ADAMTS16: variants seen among roughly 807,000 people sequenced by gnomAD.
ADAMTS16 encodes the protein ADAM metallopeptidase with thrombospondin type 1 motif 16.
Under a neutral mutation model 145.8 loss-of-function variants are expected in ADAMTS16, and 94 were observed. The ratio of observed to expected loss-of-function variants is 0.64; its 90% CI spans 0.55 to 0.77. The LOEUF is 0.77. Ranked by LOEUF, ADAMTS16 falls within the 30% of genes least tolerant of loss-of-function variation. The pLI is 0.00. For synonymous variants in ADAMTS16, 659 were observed against 604.3 expected, an observed-to-expected ratio of 1.09 and a Z score of -1.33; for missense variants, 1,585 against 1,591.5, an observed-to-expected ratio of 1.00 and a Z score of 0.07.
chr5:5,183,937 C>T (rs996906012), intron 4 of ADAMTS16, among the ~76,000 whole-genome samples: 4 of 152,154 alleles, frequency 2.6e-5, no homozygotes, highest in African/African-American at 4.8e-5. Context: ...ATAAAACTAG[C>T]GAAAGAAAGC....
At chr5:5,181,487 C>A (rs1397633314) in intron 3 of ADAMTS16, among the ~76,000 whole-genome samples, 2 of 152,158 alleles carry the variant, frequency 1.3e-5, no homozygotes, top group Non-Finnish European at 2.9e-5. Flanking sequence ...CCTTTAATAT[C>A]TTGCTTAGAG....
At chr5:5,249,811 A>C (rs1318156462) in intron 17 of ADAMTS16, among the ~76,000 whole-genome samples, 1 of 152,198 alleles carries the variant, frequency 6.6e-6, no homozygotes, top group Non-Finnish European at 1.5e-5. Flanking sequence ...TCCAGGAATA[A>C]TCATGTCACA....
rs371654781 is a variant in ADAMTS16 at position 5,237,071 on chromosome 5, G to A, written c.2126G>A (p.Arg709His). The A allele has an allele frequency of 3.1e-6, 5 of 1,613,914 alleles. No individual in the cohort carries two copies. The highest frequency in any genetic ancestry group is 1.3e-5 in the African/African-American group (1 of 75,040). ...GGGACTCCATGCTCGGAGGATAGCC[G>A]TAATGTTTGTATAGATGGGATATGT... ...KDGTPCSEDS[R>H]NVCIDGICER... Residue 709 changes from arginine to histidine, a missense_variant, in exon 14 of 23, where the codon CGT (arginine) becomes CAT (histidine). Arg to His is a conservative substitution (Grantham distance 29, BLOSUM62 0). Transcript: ENST00000274181.
intron 2 of ADAMTS16, among the ~76,000 whole-genome samples, chr5:5,141,444 T>C (rs778740516): frequency 1.3e-5 from 2 of 152,210 alleles, no homozygotes; most frequent in African/African-American, 2.4e-5. Flanking sequence ...ATTTGCTGTC[T>C]TATGGAAAGG....
chr5:5,299,401 T>A (rs1278784383), intron 18 of ADAMTS16, among the ~76,000 whole-genome samples: 2 of 152,266 alleles, frequency 1.3e-5, no homozygotes, highest in Admixed American at 1.3e-4. Context: ...ATTGTCATTA[T>A]GACACATAAT....
intron 21 of ADAMTS16, among the ~76,000 whole-genome samples, chr5:5,312,426 T>TTTG (rs1357554551): frequency 1.4e-5 from 2 of 147,560 alleles, no homozygotes; most frequent in Non-Finnish European, 3.0e-5. Context: ...TCTCTCTTTT[T>TTTG]TTGTTGTTTT....
Position 5,235,126 on chromosome 5 carries a change from C to A in ADAMTS16, c.1963C>A (p.His655Asn). ...CTTCCGTGCTGCTCAGTGTGCCGAG[C>A]ACAACAGCAGACGATTCAGAGGGCG... ...VDFRAAQCAEHNSRRFRGRHY... is the reference protein window; with the variant it reads ...VDFRAAQCAENNSRRFRGRHY... The change falls in exon 13 of 23, where the codon CAC becomes AAC. Residue 655 changes from histidine to asparagine, a missense_variant. His to Asn is a moderately conservative substitution (Grantham distance 68). Around this residue, in one of 3 missense-constraint regions of ADAMTS16, gnomAD observed 834 missense variants for 811.7 expected, o/e 1.03. Transcript: ENST00000274181. 1.9e-6 allele frequency: 3 copies of A among 1,600,640 alleles called. No homozygotes were observed. The highest frequency in any genetic ancestry group is 2.6e-6 in the Non-Finnish European group (3 of 1,169,046).
chr5:5,208,980 T>G, intron 9 of ADAMTS16, 113 bp from the exon 10 acceptor site: 1 of 1,203,904 alleles, frequency 8.3e-7, no homozygotes, highest in Non-Finnish European at 1.1e-6. Context: ...TTCTCCTCTT[T>G]GTATACACAA....
intron 21 of ADAMTS16, among the ~76,000 whole-genome samples, chr5:5,308,807 G>A (rs1487933487): frequency 1.3e-5 from 2 of 151,976 alleles, no homozygotes; most frequent in Admixed American, 6.6e-5. Context: ...AAAATTAACC[G>A]GGTGTGGTGG....
Position 5,191,699 on chromosome 5 carries a change from A to C in ADAMTS16, c.1222A>C (p.Ser408Arg). The part of the protein sequence containing the change: ...PCDTLGFAPI[S>R]GMCSKYRSCT... ...GTCCTTCACAGGATTTGCACCCATA[A>C]GTGGAATGTGTAGTAAATATCGCAG... is the stretch of plus-strand genomic sequence containing the variant. Residue 408 changes from serine to arginine, a missense_variant, in exon 8 of 23, where the codon AGT becomes CGT. By Grantham distance (110) the Ser-to-Arg change is moderately radical. This residue lies in a region of ADAMTS16 where 298 missense variants were observed against 367.6 expected (regional missense o/e 0.81). Coordinates refer to ENST00000274181, the MANE Select transcript of ADAMTS16 (RefSeq NM_139056.4). 6.2e-7 allele frequency: 1 copy of C among 1,613,336 alleles called. No homozygotes were observed. Among genetic ancestry groups the C allele is most frequent in the Non-Finnish European group, 8.5e-7 (1 of 1,179,518 alleles).
At chr5:5,215,446 G>A (rs1332201106) in intron 10 of ADAMTS16, among the ~76,000 whole-genome samples, 2 of 152,000 alleles carry the variant, frequency 1.3e-5, no homozygotes, top group Non-Finnish European at 2.9e-5. Context: ...CATCACCCAA[G>A]CAGTATACAC....
At chr5:5,277,838 C>G (rs1738761268) in intron 18 of ADAMTS16, among the ~76,000 whole-genome samples, 1 of 151,888 alleles carries the variant, frequency 6.6e-6, no homozygotes, top group Non-Finnish European at 1.5e-5. Flanking sequence ...AAAAATTAGC[C>G]AGGTGTGATA....
chr5:5,158,985 T>A (rs1283777141), intron 3 of ADAMTS16, among the ~76,000 whole-genome samples: 1 of 152,248 alleles, frequency 6.6e-6, no homozygotes, highest in Non-Finnish European at 1.5e-5. Flanking sequence ...CCATCTATAC[T>A]GACACCCAAA....
chr5:5,232,983 C>A (rs1736981650), intron 12 of ADAMTS16, among the ~76,000 whole-genome samples: 1 of 152,064 alleles, frequency 6.6e-6, no homozygotes, highest in South Asian at 2.1e-4. Flanking sequence ...TCAAGCATTT[C>A]TTAATTACCT....
In ADAMTS16 at chr5:5,319,271, T is replaced by C; in HGVS notation, c.*133T>C. 1 of 700,620 alleles carries C rather than the reference T, an allele frequency of 1.4e-6. No individual in the cohort carries two copies. 43.4% of individuals were successfully genotyped at this position (700,620 alleles called of 1,614,324 possible). A position where few individuals can be genotyped will look rare whatever the true frequency, so the allele number is the denominator to read the frequency against. On this transcript the variant is annotated 3_prime_UTR_variant, in exon 23 of 23. Transcript: ENST00000274181. ...AAAGAAGAAAACCGTGTTAGGCTCTTTGACCAGGAGTGTATGTATGTGTTT... is the reference window on the plus strand; with the variant it reads ...AAAGAAGAAAACCGTGTTAGGCTCTCTGACCAGGAGTGTATGTATGTGTTT...
intron 10 of ADAMTS16, among the ~76,000 whole-genome samples, chr5:5,215,178 T>C (rs973385524): frequency 1.3e-5 from 2 of 152,244 alleles, no homozygotes; most frequent in African/African-American, 4.8e-5. Flanking sequence ...TTGATGTGTA[T>C]GTATGTTTAC....
chr5:5,159,460 AC>A (rs1275766867), intron 3 of ADAMTS16, among the ~76,000 whole-genome samples: 1 of 152,180 alleles, frequency 6.6e-6, no homozygotes, highest in African/African-American at 2.4e-5. Flanking sequence ...AGGGCTTGGC[AC>A]AAAGTAAGAA....
intron 21 of ADAMTS16, among the ~76,000 whole-genome samples, chr5:5,311,300 CAAAAAAAAAA>C (rs57267931): frequency 2.3e-5 from 3 of 127,954 alleles, no homozygotes; most frequent in Non-Finnish European, 3.3e-5. Context: ...TTGACATAGG[CAAAAAAAAAA>C]AAAAAAACAA....
chr5:5,215,697 C>CAT (rs57628837), intron 10 of ADAMTS16, among the ~76,000 whole-genome samples: 5,182 of 131,714 alleles, frequency 0.039, 305 homozygotes, highest in African/African-American at 0.13. Context: ...TATTCCATTA[C>CAT]ATATATATAT....
Sources: gnomAD v4.1 joint callset for allele counts (sites outside exome capture counted in the v4.1 genomes callset) on GRCh38, gnomAD v4.1.1 for gene constraint, gnomAD v4.1.1 regional missense constraint, MANE v1.5 for transcripts, NCBI Gene and HGNC (gene_info 2026-07-23, HGNC 2026-07-21) for gene names.